Variants in PDE8A observed in about 807,000 individuals in gnomAD.
PDE8A encodes high affinity cAMP-specific and IBMX-insensitive 3',5'-cyclic phosphodiesterase 8A.
In PDE8A, 59 loss-of-function variants were observed where a neutral mutation model predicts 105.0. The ratio of observed to expected loss-of-function variants is 0.56; its 90% confidence interval spans 0.46 to 0.70. The LOEUF (loss-of-function observed/expected upper bound fraction) is 0.70. Among genes scored for constraint, PDE8A ranks in the 30% least tolerant of loss-of-function variants. The pLI is 0.00. For missense variants in PDE8A, 1,014 were observed against 1,045.9 expected (o/e 0.97, Z 0.42); for synonymous variants, 355 against 371.9 (o/e 0.95, Z 0.52).
chr15:85,008,093 T>C (rs1370105017), intron 1 of PDE8A, among the ~76,000 whole-genome samples: 1 of 151,964 alleles, frequency 6.6e-6, no homozygotes, highest in Non-Finnish European at 1.5e-5. Flanking sequence ...AGGGGTGGCA[T>C]TGCTGTGTGT....
chr15:85,021,046 G>T (rs1402994823), intron 1 of PDE8A, among the ~76,000 whole-genome samples: 2 of 152,124 alleles, frequency 1.3e-5, no homozygotes, highest in Non-Finnish European at 2.9e-5. Context: ...AAGAGGTGGG[G>T]CCTTTGGGAG....
intron 11 of PDE8A, among the ~76,000 whole-genome samples, chr15:85,101,439 G>A (rs544188230): frequency 8.5e-5 from 13 of 152,196 alleles, no homozygotes; most frequent in Non-Finnish European, 1.6e-4. Context: ...AAAGTACAGG[G>A]CATGTTCCAG....
chr15:85,044,053 T>C (rs1179574613), intron 1 of PDE8A, among the ~76,000 whole-genome samples: 1 of 152,240 alleles, frequency 6.6e-6, no homozygotes, highest in African/African-American at 2.4e-5. Context: ...AAATGCCTTG[T>C]AATATGTATG....
rs142998633 is a variant in PDE8A at position 85,001,554 on chromosome 15, A to G, written c.186+19206A>G. On this transcript the variant is annotated intron_variant, in intron 1 of 21. Coordinates refer to ENST00000394553, the MANE Select transcript of PDE8A (RefSeq NM_002605.3). ...AGAAGGTCACGGAGAATGGATGGAT[A>G]TCCTAGGGACTGGAAGAGCATGGTG... 3.7e-4 allele frequency among the ~76,000 whole-genome samples: 56 copies of G among 152,278 alleles called. No homozygotes were observed. The East Asian group carries it at 0.01, about 28-fold the overall frequency.
At chr15:85,129,824 C>T (rs181283136) in intron 20 of PDE8A, among the ~76,000 whole-genome samples, 1 of 152,178 alleles carries the variant, frequency 6.6e-6, no homozygotes, top group Non-Finnish European at 1.5e-5. Flanking sequence ...GTTAATTTCC[C>T]CCTTATCACT....
chr15:85,023,468 G>T (rs933387467), intron 1 of PDE8A, among the ~76,000 whole-genome samples: 1 of 152,192 alleles, frequency 6.6e-6, no homozygotes, highest in South Asian at 2.1e-4. Context: ...GGACAAGAGG[G>T]TTGGACTTTG....
chr15:85,081,941 C>T (rs762022416), intron 5 of PDE8A, among the ~76,000 whole-genome samples: 33 of 151,502 alleles, frequency 2.2e-4, no homozygotes, highest in South Asian at 4.4e-4. Flanking sequence ...ATACACATTC[C>T]CTCCACAGCC....
At chr15:85,095,623 C>T (rs538491985) in intron 8 of PDE8A, among the ~76,000 whole-genome samples, 7 of 152,150 alleles carry the variant, frequency 4.6e-5, no homozygotes, top group South Asian at 2.1e-4. Context: ...GGATTACAGG[C>T]GTGAGCCACT....
At chr15:85,126,416 T>A in intron 20 of PDE8A, 42 bp downstream of exon 20, 3 of 1,287,382 alleles carry the variant, frequency 2.3e-6, no homozygotes, top group Non-Finnish European at 3.1e-6. Flanking sequence ...AGAGAGAGAG[T>A]TAAAACCCAT....
intron 1 of PDE8A, among the ~76,000 whole-genome samples, chr15:85,056,687 G>A (rs1390190060): frequency 4.6e-5 from 7 of 152,154 alleles, no homozygotes; most frequent in Non-Finnish European, 8.8e-5. Context: ...TCTCTATGCT[G>A]TTTATTCTAG....
At chr15:85,018,856 C>A (rs1221386436) in intron 1 of PDE8A, among the ~76,000 whole-genome samples, 2 of 152,142 alleles carry the variant, frequency 1.3e-5, no homozygotes, top group African/African-American at 4.8e-5. Flanking sequence ...CCACCTTTGC[C>A]ATTTTTAATG....
At chr15:84,983,691 G>A (rs1396960330) in intron 1 of PDE8A, among the ~76,000 whole-genome samples, 3 of 152,228 alleles carry the variant, frequency 2.0e-5, no homozygotes, top group African/African-American at 7.2e-5. Context: ...CTTTAAAAAA[G>A]TGTTACACAG....
At chr15:85,135,399 G>A (rs1176375627) in intron 20 of PDE8A, among the ~76,000 whole-genome samples, 1 of 152,106 alleles carries the variant, frequency 6.6e-6, no homozygotes, top group African/African-American at 2.4e-5. Flanking sequence ...ACCCCCTCCA[G>A]CCCTGGCACT....
intron 3 of PDE8A, among the ~76,000 whole-genome samples, chr15:85,069,477 C>T (rs550053685): frequency 6.6e-6 from 1 of 152,266 alleles, no homozygotes; most frequent in South Asian, 2.1e-4. Flanking sequence ...CACTGGAGGA[C>T]AGGAATTGTG....
chr15:85,125,616 T>C (rs913104224), intron 19 of PDE8A, among the ~76,000 whole-genome samples: 1 of 152,170 alleles, frequency 6.6e-6, no homozygotes, highest in African/African-American at 2.4e-5. Flanking sequence ...AATAATACTT[T>C]TCATGCTTAC....
chr15:85,075,011 T>A (rs1397078557), intron 3 of PDE8A, among the ~76,000 whole-genome samples: 42 of 152,202 alleles, frequency 2.8e-4, no homozygotes, highest in Non-Finnish European at 4.6e-4. Context: ...TCCTTTCTTC[T>A]CCAGTGGAGT....
intron 6 of PDE8A, among the ~76,000 whole-genome samples, chr15:85,084,164 C>A (rs2081511964): frequency 6.6e-6 from 1 of 151,938 alleles, no homozygotes; most frequent in Non-Finnish European, 1.5e-5. Context: ...ATAAAGTCAG[C>A]AGCTTCCTAT....
chr15:85,120,375 A>C (rs1038141119), intron 17 of PDE8A: 1 of 152,760 alleles, frequency 6.5e-6, no homozygotes. Flanking sequence ...CAAAGATAGC[A>C]CTAAAAGGGG....
intron 11 of PDE8A, among the ~76,000 whole-genome samples, chr15:85,105,548 A>G (rs934717091): frequency 6.6e-6 from 1 of 151,976 alleles, no homozygotes; most frequent in African/African-American, 2.4e-5. Flanking sequence ...CTGATTGGTT[A>G]TCCTCTCTCA....
Sources: gnomAD v4.1 joint callset for allele counts (sites outside exome capture counted in the v4.1 genomes callset) on GRCh38, gnomAD v4.1.1 for gene constraint, MANE v1.5 for transcripts, NCBI Gene and HGNC (gene_info 2026-07-23, HGNC 2026-07-21) for gene names.